MTCL1: variants seen among roughly 807,000 people sequenced by gnomAD.
The protein encoded by MTCL1 is microtubule cross-linking factor 1.
Under a neutral mutation model 141.4 loss-of-function variants are expected in MTCL1, and 79 were observed. The ratio of observed to expected loss-of-function variants is 0.56; its 90% CI spans 0.47 to 0.67. The LOEUF is 0.67. MTCL1 is among the 30% of genes least tolerant of loss of function. MTCL1 has a pLI of 0.00. For missense variants in MTCL1, 2,177 were observed against 2,113.9 expected (o/e 1.03, Z -0.59); for synonymous variants, 914 against 875.8 (o/e 1.04, Z -0.77).
intron 4 of MTCL1, among the ~76,000 whole-genome samples, chr18:8,742,713 A>G (rs1376397835): frequency 1.3e-5 from 2 of 152,226 alleles, no homozygotes; most frequent in African/African-American, 2.4e-5. Flanking sequence ...GACTATTTCA[A>G]AGCAAGTCTC....
exon 15 of MTCL1, chr18:8,825,582 G>T: frequency 1.2e-6 from 2 of 1,613,638 alleles, no homozygotes; most frequent in Non-Finnish European, 1.7e-6. Context: ...TGCTACACCC[G>T]TGTCGTCTCC....
intron 4 of MTCL1, among the ~76,000 whole-genome samples, chr18:8,729,685 TA>T (rs1723940081): frequency 3.7e-4 from 1 of 2,672 alleles, no homozygotes; most frequent in Admixed American, 5.7e-3. Context: ...TATATATATA[TA>T]TATATATATA....
intron 4 of MTCL1, among the ~76,000 whole-genome samples, chr18:8,722,714 T>G (rs34572520): frequency 0.038 from 5,811 of 152,228 alleles, 142 homozygotes; most frequent in Middle Eastern, 0.11. Flanking sequence ...GTCTCAGGGG[T>G]GGCATAGGTG....
At chr18:8,772,695 T>C (rs2096489802) in intron 4 of MTCL1, among the ~76,000 whole-genome samples, 2 of 151,632 alleles carry the variant, frequency 1.3e-5, no homozygotes, top group African/African-American at 4.8e-5. Flanking sequence ...ATCTTAAATA[T>C]AAATATATTT....
At chr18:8,710,461 T>TC (rs201865276) in intron 1 of MTCL1, among the ~76,000 whole-genome samples, 1,135 of 91,348 alleles carry the variant, frequency 0.012, 13 homozygotes, top group African/African-American at 0.03. Flanking sequence ...CACTTTCTTT[T>TC]TTTTTTTTTT....
intron 4 of MTCL1, among the ~76,000 whole-genome samples, chr18:8,761,556 A>G (rs1437560588): frequency 2.6e-5 from 4 of 152,148 alleles, no homozygotes; most frequent in Admixed American, 6.5e-5. Flanking sequence ...GAATTTGTCT[A>G]TTCTGGGTAT....
chr18:8,827,007 G>A (rs2077048148), intron 15 of MTCL1, among the ~76,000 whole-genome samples: 1 of 152,234 alleles, frequency 6.6e-6, no homozygotes, highest in Non-Finnish European at 1.5e-5. Context: ...TGCTGGTGGT[G>A]ATGGCTATGG....
chr18:8,830,081 T>C lies in MTCL1; in HGVS notation c.*18+1117T>C. 2.0e-6 allele frequency: 2 copies of C among 985,224 alleles called. No homozygotes were observed. Among genetic ancestry groups the C allele is most frequent in the Non-Finnish European group, 2.4e-6 (2 of 829,982 alleles). The allele number at this position is 985,224 out of a possible 1,614,324, so 61.0% of individuals were successfully genotyped here. On this transcript the variant is annotated intron_variant, in intron 16 of 16. Transcript: ENST00000359865. The surrounding 1 kb of genome is among the most constrained non-coding windows in gnomAD (Gnocchi z 6.4). ...CACAATACACAACACACACACTACT[T>C]CTATAACAAGGGGAGCGCAGACACA...
chr18:8,711,459 C>T (rs1433958986), intron 1 of MTCL1, among the ~76,000 whole-genome samples: 1 of 141,402 alleles, frequency 7.1e-6, no homozygotes, highest in Non-Finnish European at 1.5e-5. Flanking sequence ...CCTGAGGAAT[C>T]GCCACACTGA....
At chr18:8,706,260 C>T in exon 1 of MTCL1, 2 of 1,229,122 alleles carry the variant, frequency 1.6e-6, no homozygotes, top group Non-Finnish European at 2.0e-6. Flanking sequence ...CGGCCCGCTG[C>T]TCGCGCATCA....
At chr18:8,759,186 T>C (rs1041318721) in intron 4 of MTCL1, among the ~76,000 whole-genome samples, 14 of 152,248 alleles carry the variant, frequency 9.2e-5, no homozygotes, top group East Asian at 1.9e-4. Flanking sequence ...TCTAAACTTA[T>C]TGATGTCTTA....
intron 12 of MTCL1, among the ~76,000 whole-genome samples, chr18:8,817,322 C>G (rs1172778487): frequency 7.5e-6 from 1 of 133,742 alleles, no homozygotes; most frequent in African/African-American, 2.8e-5. Flanking sequence ...ACTGTGTCAT[C>G]ATCAGGGAGG....
intron 4 of MTCL1, among the ~76,000 whole-genome samples, chr18:8,765,493 C>A (rs1333759172): frequency 2.0e-5 from 3 of 152,212 alleles, no homozygotes; most frequent in Non-Finnish European, 2.9e-5. Context: ...CCTCCTCCCC[C>A]ACAAGTCCTT....
chr18:8,793,185 C>T (rs2075797021), intron 8 of MTCL1, 65 bp downstream of exon 7: 1 of 1,590,688 alleles, frequency 6.3e-7, no homozygotes. Context: ...AGGAGAAATG[C>T]CACGATACAT....
At chr18:8,818,744 G>A (rs1481489082) in intron 12 of MTCL1, among the ~76,000 whole-genome samples, 2 of 152,232 alleles carry the variant, frequency 1.3e-5, no homozygotes, top group African/African-American at 4.8e-5. Context: ...CGTGGTTAAT[G>A]CAGATTTTCT....
chr18:8,809,703 C>T (rs1057124849), intron 11 of MTCL1: 154 of 1,316,308 alleles, frequency 1.2e-4, no homozygotes, highest in Non-Finnish European at 1.5e-4. Flanking sequence ...GCACCTCGCA[C>T]GGCTGTCAGG....
chr18:8,826,166 C>T (rs146312067), exon 15 of MTCL1: 221 of 1,612,252 alleles, frequency 1.4e-4, no homozygotes, highest in Non-Finnish European at 1.8e-4. Flanking sequence ...AGGCTGCCCA[C>T]GGGCCCCCGG....
chr18:8,817,726 T>C (rs2076704854), intron 12 of MTCL1, among the ~76,000 whole-genome samples: 1 of 152,224 alleles, frequency 6.6e-6, no homozygotes, highest in Non-Finnish European at 1.5e-5. Context: ...AAATCATTAT[T>C]TGGCCACTCC....
chr18:8,820,862 T>C (rs530992709), intron 13 of MTCL1, among the ~76,000 whole-genome samples: 57 of 152,360 alleles, frequency 3.7e-4, no homozygotes, highest in African/African-American at 1.3e-3. Flanking sequence ...AAGAGTGTTT[T>C]CTCAGCAGAC....
Sources: gnomAD v4.1 joint callset for allele counts (sites outside exome capture counted in the v4.1 genomes callset) on GRCh38, gnomAD v4.1.1 for gene constraint, Gnocchi (gnomAD v3.1) non-coding constraint, MANE v1.5 for transcripts, NCBI Gene and HGNC (gene_info 2026-07-23, HGNC 2026-07-21) for gene names.